Variants in MEMO1 observed in about 807,000 individuals in gnomAD.
MEMO1 encodes the protein mediator of cell motility 1.
Under a neutral mutation model 45.2 loss-of-function variants are expected in MEMO1, and 6 were observed. The ratio of observed to expected loss-of-function variants is 0.13; its 90% CI spans 0.07 to 0.26. The LOEUF (loss-of-function observed/expected upper bound fraction) is 0.26. Ranked by LOEUF, MEMO1 falls within the 10% of genes least tolerant of loss-of-function variation. MEMO1 has a pLI of 1.00. For missense variants in MEMO1, 184 were observed against 370.5 expected, an observed-to-expected ratio of 0.50 and a Z score of 4.13; for synonymous variants, 78 against 124.3, an observed-to-expected ratio of 0.63 and a Z score of 2.48.
intron 2 of MEMO1, among the ~76,000 whole-genome samples, chr2:31,968,931 T>C (rs1017612144): frequency 6.6e-6 from 1 of 152,108 alleles, no homozygotes; most frequent in African/African-American, 2.4e-5. Flanking sequence ...ATAATAAAAT[T>C]GTTAATTTTA....
At chr2:31,912,343 G>GA (rs936986869) in intron 6 of MEMO1, among the ~76,000 whole-genome samples, 4 of 150,860 alleles carry the variant, frequency 2.7e-5, no homozygotes, top group African/African-American at 7.3e-5. Flanking sequence ...TCCGCCTCAA[G>GA]AAAAAAAAGA....
intron 1 of MEMO1, 60 bp from the exon 2 acceptor site, chr2:32,010,324 A>G (rs1463163474): frequency 5.3e-5 from 49 of 916,602 alleles, no homozygotes; most frequent in Non-Finnish European, 7.6e-5. Context: ...CGGCTCCGCG[A>G]GGGGACGAGA....
At chr2:31,934,851 T>A (rs1177755268) in intron 3 of MEMO1, among the ~76,000 whole-genome samples, 1 of 152,160 alleles carries the variant, frequency 6.6e-6, no homozygotes, top group Non-Finnish European at 1.5e-5. Context: ...GTGGCAGTAC[T>A]CTACCCAAGC....
chr2:31,933,576 G>A (rs1396757856), intron 3 of MEMO1, among the ~76,000 whole-genome samples: 1 of 151,422 alleles, frequency 6.6e-6, no homozygotes, highest in Non-Finnish European at 1.5e-5. Flanking sequence ...TCACAACAAG[G>A]CTCTTTTTTA....
At position 31,992,663 on chromosome 2, in the gene MEMO1, A is replaced by G. The variant is rs573246656; in HGVS notation, c.61+17524T>C. On this transcript the variant is annotated intron_variant, in intron 2 of 9. Transcript: ENST00000404530. Reference sequence around the variant, plus strand: ...GCTGGGTGTGGTGGCGGGAGCCTATAATCCCAGCTACTCGGGAGACTGAGG... The same window carrying G: ...GCTGGGTGTGGTGGCGGGAGCCTATGATCCCAGCTACTCGGGAGACTGAGG... Among the ~76,000 whole-genome samples the G allele has an allele frequency of 1.1e-3, 161 of 152,326 alleles. 1 individual carries two copies. The highest frequency in any genetic ancestry group is 3.8e-3 in the African/African-American group (159 of 41,588).
At chr2:31,943,242 G>C in intron 3 of MEMO1, 60 bp downstream of exon 3, 1 of 1,282,740 alleles carries the variant, frequency 7.8e-7, no homozygotes, top group Non-Finnish European at 1.1e-6. Flanking sequence ...TTCAGCCTGG[G>C]CGACACAGGG....
intron 2 of MEMO1, among the ~76,000 whole-genome samples, chr2:31,956,621 T>A (rs1430293315): frequency 6.6e-6 from 1 of 152,104 alleles, no homozygotes; most frequent in Non-Finnish European, 1.5e-5. Context: ...TAGTCAAAAA[T>A]AAACTAGTTA....
chr2:31,929,494 C>T (rs1019627280), intron 4 of MEMO1, among the ~76,000 whole-genome samples: 5 of 152,162 alleles, frequency 3.3e-5, no homozygotes, highest in African/African-American at 1.2e-4. Context: ...AATTCCTCTC[C>T]AGATATGTTA....
chr2:31,968,777 T>C (rs1474148278), intron 2 of MEMO1, among the ~76,000 whole-genome samples: 1 of 152,202 alleles, frequency 6.6e-6, no homozygotes, highest in Non-Finnish European at 1.5e-5. Context: ...AAATTTGTCA[T>C]TGTTGTCCAT....
At chr2:31,886,197 C>T (rs566597497) in intron 7 of MEMO1, among the ~76,000 whole-genome samples, 4 of 152,162 alleles carry the variant, frequency 2.6e-5, no homozygotes, top group African/African-American at 9.6e-5. Context: ...AAGAATGTTT[C>T]GATTAAGTAG....
intron 2 of MEMO1, among the ~76,000 whole-genome samples, chr2:31,972,189 G>T (rs1486543938): frequency 1.3e-5 from 2 of 152,090 alleles, no homozygotes; most frequent in African/African-American, 4.8e-5. Flanking sequence ...GTGGTCTGAT[G>T]AACCTTTCTT....
At position 31,986,380 on chromosome 2, in the gene MEMO1, G is replaced by C. The variant is rs564585093; in HGVS notation, c.61+23807C>G. ...CCAGCCAGTCGGGAGGCTGAGACAG[G>C]AGAATGGCATGAACCCGGAAGGCGG... On this transcript the variant is annotated intron_variant, in intron 2 of 9. Transcript: ENST00000404530. Among the ~76,000 whole-genome samples, 162 of 152,250 alleles carry C rather than the reference G, an allele frequency of 1.1e-3. 1 individual carries two copies. The highest frequency in any genetic ancestry group is 3.9e-3 in the African/African-American group (160 of 41,550).
At chr2:31,913,486 C>A (rs1293302505) in intron 6 of MEMO1, among the ~76,000 whole-genome samples, 1 of 144,680 alleles carries the variant, frequency 6.9e-6, no homozygotes. Context: ...CAGTTTAAAA[C>A]AAGAGTATTT....
At chr2:31,960,487 T>C (rs1184906366) in intron 2 of MEMO1, among the ~76,000 whole-genome samples, 1 of 152,172 alleles carries the variant, frequency 6.6e-6, no homozygotes, top group East Asian at 1.9e-4. Flanking sequence ...CAAAATATGA[T>C]TAAGAACTAT....
chr2:31,873,848 CAG>C (rs982890037), intron 8 of MEMO1, among the ~76,000 whole-genome samples: 2 of 151,900 alleles, frequency 1.3e-5, no homozygotes, highest in Non-Finnish European at 2.9e-5. Context: ...AAAATAGTAA[CAG>C]TGAAAGTTTT....
At chr2:31,942,003 C>T (rs1665671799) in intron 3 of MEMO1, among the ~76,000 whole-genome samples, 1 of 152,144 alleles carries the variant, frequency 6.6e-6, no homozygotes, top group Non-Finnish European at 1.5e-5. Flanking sequence ...AAGTCACAAA[C>T]AACAACATGC....
At chr2:31,881,807 G>T (rs1675422972) in intron 8 of MEMO1, among the ~76,000 whole-genome samples, 1 of 151,966 alleles carries the variant, frequency 6.6e-6, no homozygotes, top group African/African-American at 2.4e-5. Context: ...TTCAAAACTA[G>T]CCTGGGCAAT....
intron 2 of MEMO1, among the ~76,000 whole-genome samples, chr2:31,948,516 G>A (rs972953093): frequency 1.3e-5 from 2 of 152,190 alleles, no homozygotes; most frequent in Non-Finnish European, 2.9e-5. Context: ...GAAATAAACT[G>A]ATCTATCGTG....
intron 4 of MEMO1, among the ~76,000 whole-genome samples, chr2:31,926,970 C>T (rs552715075): frequency 2.0e-5 from 3 of 152,270 alleles, no homozygotes; most frequent in South Asian, 2.1e-4. Context: ...ATGCTCCACA[C>T]GTTACAAAAT....
Sources: allele counts gnomAD v4.1 joint callset (sites outside exome capture counted in the v4.1 genomes callset), GRCh38; gene constraint gnomAD v4.1.1; transcripts MANE v1.5; gene names NCBI Gene and HGNC (gene_info 2026-07-23, HGNC 2026-07-21).